Variants in LMTK3 observed in about 807,000 individuals in gnomAD.
The protein encoded by LMTK3 is serine/threonine-protein kinase LMTK3.
LMTK3 carries 27 observed loss-of-function variants against 116.7 expected under a neutral mutation model. That is an observed-to-expected ratio of 0.23 (90% CI 0.17 to 0.32). The LOEUF is 0.32. Among genes scored for constraint, LMTK3 ranks in the 10% least tolerant of loss-of-function variants. The pLI, the probability that LMTK3 is intolerant of heterozygous loss-of-function variation, is 1.00. For missense variants in LMTK3, 1,764 were observed against 2,068.5 expected, an observed-to-expected ratio of 0.85 and a Z score of 2.86; for synonymous variants, 965 against 971.0, an observed-to-expected ratio of 0.99 and a Z score of 0.11.
rs1037023601 is a variant in LMTK3 at position 48,491,601 on chromosome 19, C to A, written c.4093-62G>T. 1.3e-5 allele frequency: 16 copies of A among 1,264,770 alleles called. No individual in the cohort carries two copies. The highest frequency in any genetic ancestry group is 3.1e-5 in the East Asian group (1 of 32,508). The allele number at this position is 1,264,770 out of a possible 1,614,324, so 78.3% of individuals were successfully genotyped here. ...AACCTTCACGTCCCATTTACCGCAT[C>A]CCCCAAAAGCAACAAAACCGGCTAA... On this transcript the variant is annotated intron_variant, in intron 12 of 14. Coordinates refer to ENST00000600059, the MANE Select transcript of LMTK3 (RefSeq NM_001388485.1). This position sits in a 1 kb window ranked among gnomAD's most constrained non-coding sequence, Gnocchi z 5.1.
Sources: allele counts gnomAD v4.1 joint callset, GRCh38; gene constraint gnomAD v4.1.1; non-coding constraint Gnocchi (gnomAD v3.1); transcripts MANE v1.5; gene names NCBI Gene and HGNC (gene_info 2026-07-23, HGNC 2026-07-21).